The following XRRA1 variants were observed in gnomAD, a reference collection of about 807,000 sequenced individuals.
The protein encoded by XRRA1 is X-ray radiation resistance-associated protein 1.
In XRRA1, 69 loss-of-function variants were observed where a neutral mutation model predicts 80.2. The observed-to-expected ratio is 0.86, with a 90% CI of 0.71 to 1.05. XRRA1 has a LOEUF of 1.05. XRRA1 is among the 50% of genes least tolerant of loss of function. The probability of loss-of-function intolerance (pLI) is 0.00; values close to 1 mark genes in which losing one functional copy is unlikely to be tolerated. For missense variants in XRRA1, 967 were observed against 976.4 expected, an observed-to-expected ratio of 0.99 and a Z score of 0.13; for synonymous variants, 348 against 389.9, an observed-to-expected ratio of 0.89 and a Z score of 1.27.
At chr11:74,848,811 C>T (rs1194150314) in intron 14 of XRRA1, among the ~76,000 whole-genome samples, 1 of 152,168 alleles carries the variant, frequency 6.6e-6, no homozygotes, top group African/African-American at 2.4e-5. Flanking sequence ...ATGCTGCATC[C>T]CTGACCATAC....
At chr11:74,859,424 AAGGGTAGATGTCGCCATC>A (rs981153430) in intron 11 of XRRA1, 141 bp from the exon 12 acceptor site, 24 of 927,180 alleles carry the variant, frequency 2.6e-5, no homozygotes, top group Non-Finnish European at 3.7e-5. Context: ...GTAGGGTCAT[AAGGGTAGATGTCGCCATC>A]AGCCCAGAAT....
chr11:74,849,398 A>C (rs2039204216), intron 14 of XRRA1, among the ~76,000 whole-genome samples: 1 of 152,172 alleles, frequency 6.6e-6, no homozygotes, highest in Non-Finnish European at 1.5e-5. Context: ...ACTTTTATAA[A>C]ATATGTTACT....
chr11:74,906,451 T>C lies in XRRA1; in HGVS notation c.791A>G (p.Lys264Arg), dbSNP rs2054618181. 2 of 1,613,850 alleles carry C rather than the reference T, an allele frequency of 1.2e-6. No individual in the cohort carries two copies. Among genetic ancestry groups the C allele is most frequent in the East Asian group, 2.2e-5 (1 of 44,884 alleles). The part of the protein sequence containing the change: ...FASLAGLRRL[K>R]KLSLDENRII... ...CCTGTTTTCATCCAAGCTTAACTTC[T>C]TCAGTCTTCAATTAAGGAAAGTGAA... The change falls in exon 10 of 19, where the codon AAG (lysine) becomes AGG (arginine). Residue 264 changes from lysine to arginine, a missense_variant. Transcript: ENST00000684022.
chr11:74,843,231 T>C lies in XRRA1; in HGVS notation c.2372A>G (p.Gln791Arg), dbSNP rs1375989414. Residue 791 changes from glutamine (Q) to arginine (R), a missense_variant, in exon 19 of 19, where the codon CAG becomes CGG. Gln to Arg is a conservative substitution (Grantham distance 43). Coordinates refer to ENST00000684022, the MANE Select transcript of XRRA1 (RefSeq NM_001378157.1). The stretch of plus-strand genomic sequence containing the variant: ...TTGTGAGTCACTGGCTGTGGGCTCC[T>C]GGCAGAACTCATCCATGAACTCGAG... ...HFLEFMDEFC[Q>R]EPTASDSQG The C allele has an allele frequency of 6.4e-7, 1 of 1,560,516 alleles. No individual in the cohort carries two copies. The highest frequency in any genetic ancestry group is 1.9e-5 in the Admixed American group (1 of 51,896).
At chr11:74,844,103 G>T in intron 17 of XRRA1, 65 bp downstream of exon 17, 1 of 1,513,150 alleles carries the variant, frequency 6.6e-7, no homozygotes, top group Non-Finnish European at 9.2e-7. Flanking sequence ...CAAGGTGACA[G>T]CCACATCTGT....
intron 4 of XRRA1, among the ~76,000 whole-genome samples, chr11:74,936,138 G>A (rs1300341089): frequency 6.6e-6 from 1 of 152,216 alleles, no homozygotes; most frequent in African/African-American, 2.4e-5. Flanking sequence ...AGTTCTTAGG[G>A]AGCTATGAGA....
chr11:74,923,086 T>A (rs779680828), intron 7 of XRRA1, among the ~76,000 whole-genome samples: 14 of 152,118 alleles, frequency 9.2e-5, no homozygotes, highest in Non-Finnish European at 1.8e-4. Context: ...TGGTCAGGTC[T>A]ACCAGGGGAT....
intron 10 of XRRA1, among the ~76,000 whole-genome samples, chr11:74,877,150 A>G (rs2046222748): frequency 6.6e-6 from 1 of 152,214 alleles, no homozygotes; most frequent in Non-Finnish European, 1.5e-5. Context: ...AGGATTAATA[A>G]TTACAGGAAA....
intron 4 of XRRA1, among the ~76,000 whole-genome samples, chr11:74,935,001 A>G (rs1944588882): frequency 6.6e-6 from 1 of 152,256 alleles, no homozygotes; most frequent in East Asian, 1.9e-4. Context: ...ATTTCTCCAA[A>G]TGGAATGTTC....
At chr11:74,891,033 A>C (rs1334463404) in intron 10 of XRRA1, among the ~76,000 whole-genome samples, 1 of 152,202 alleles carries the variant, frequency 6.6e-6, no homozygotes, top group Non-Finnish European at 1.5e-5. Context: ...AAAAGAGGGA[A>C]TCCTCCCTAA....
At chr11:74,886,400 C>T (rs2049025855) in intron 10 of XRRA1, among the ~76,000 whole-genome samples, 1 of 152,162 alleles carries the variant, frequency 6.6e-6, no homozygotes, top group Admixed American at 6.5e-5. Flanking sequence ...AATTCAATAG[C>T]ATTTTTATAC....
In XRRA1 at chr11:74,848,462, C is replaced by G; in HGVS notation, c.1381G>C (p.Val461Leu). 6.2e-7 allele frequency: 1 copy of G among 1,603,412 alleles called. No homozygotes were observed. Among genetic ancestry groups the G allele is most frequent in the Non-Finnish European group, 8.5e-7 (1 of 1,173,312 alleles). Residue 461 changes from valine (V) to leucine (L), a missense_variant and splice_region_variant, in exon 15 of 19, where the codon GTG (valine) becomes CTG (leucine). Val to Leu is a conservative substitution (Grantham distance 32). Coordinates refer to ENST00000684022, the MANE Select transcript of XRRA1 (RefSeq NM_001378157.1). The stretch of plus-strand genomic sequence containing the variant: ...GGCACCTTTGGGATTTCGCTTTTCA[C>G]CTGTCATGGAGAAGGGCCAGAATGA... ...VLMSRKESWK[V>L]KSEIPKVPKQ...
rs1044092618 is a variant in XRRA1 at position 74,930,154 on chromosome 11, T to C, written c.424+146A>G. 1.3e-5 allele frequency: 9 copies of C among 705,224 alleles called. No homozygotes were observed. The Admixed American group carries it at 1.7e-4, about 14-fold the overall frequency. The allele number at this position is 705,224 out of a possible 1,614,324, so 43.7% of individuals were successfully genotyped here. A position where few individuals can be genotyped will look rare whatever the true frequency, so the allele number is the denominator to read the frequency against. Reference sequence around the variant, plus strand: ...CAGAGCAGGACTGGAATCGAGGTCTTTGTGCTCTCCAGCACCCAGCCTATT... The same window carrying C: ...CAGAGCAGGACTGGAATCGAGGTCTCTGTGCTCTCCAGCACCCAGCCTATT... On this transcript the variant is annotated intron_variant, in intron 6 of 18. Transcript: ENST00000684022.
intron 11 of XRRA1, among the ~76,000 whole-genome samples, chr11:74,859,860 C>T (rs2041959579): frequency 6.6e-6 from 1 of 152,030 alleles, no homozygotes; most frequent in Admixed American, 6.6e-5. Flanking sequence ...CATGCTGCAG[C>T]TGGATCCCTT....
At chr11:74,940,673 G>A (rs886562520) in intron 3 of XRRA1, 112 bp downstream of exon 3, 5 of 850,824 alleles carry the variant, frequency 5.9e-6, no homozygotes, top group African/African-American at 3.3e-5. Flanking sequence ...GGAAGGATTA[G>A]GTAGAGCAGG....
intron 6 of XRRA1, among the ~76,000 whole-genome samples, chr11:74,928,815 C>T (rs916081269): frequency 6.6e-6 from 1 of 152,132 alleles, no homozygotes; most frequent in African/African-American, 2.4e-5. Flanking sequence ...AGATTAAAGG[C>T]AATGACTACT....
intron 10 of XRRA1, among the ~76,000 whole-genome samples, chr11:74,874,233 CAAAAAAAAAAA>C (rs367875228): frequency 4.6e-4 from 22 of 48,310 alleles, no homozygotes; most frequent in Non-Finnish European, 7.0e-4. Context: ...GACTCCGTCT[CAAAAAAAAAAA>C]AAAAAAAAAA....
At chr11:74,887,634 C>T (rs549262632) in intron 10 of XRRA1, among the ~76,000 whole-genome samples, 1 of 152,286 alleles carries the variant, frequency 6.6e-6, no homozygotes, top group African/African-American at 2.4e-5. Context: ...CATTGCCTCA[C>T]CCAGGTAGCG....
chr11:74,890,482 A>G (rs2050352748), intron 10 of XRRA1, among the ~76,000 whole-genome samples: 1 of 152,248 alleles, frequency 6.6e-6, no homozygotes, highest in African/African-American at 2.4e-5. Flanking sequence ...TAACATCACA[A>G]TTAAAAGAAC....
Sources: allele counts gnomAD v4.1 joint callset (sites outside exome capture counted in the v4.1 genomes callset), GRCh38; gene constraint gnomAD v4.1.1; transcripts MANE v1.5; gene names NCBI Gene and HGNC (gene_info 2026-07-23, HGNC 2026-07-21).